The following FRMD8 variants were observed in gnomAD, a reference collection of about 807,000 sequenced individuals.
The protein encoded by FRMD8 is FERM domain-containing protein 8.
In FRMD8, 37 loss-of-function variants were observed where a neutral mutation model predicts 54.2. That is an observed-to-expected ratio of 0.68 (90% CI 0.53 to 0.90). The LOEUF (loss-of-function observed/expected upper bound fraction) is 0.90, where lower values mean the gene tolerates loss of function less well. FRMD8 is among the 40% of genes least tolerant of loss of function. FRMD8 has a pLI of 0.00. For synonymous variants in FRMD8, 246 were observed against 286.9 expected, an observed-to-expected ratio of 0.86 and a Z score of 1.44; for missense variants, 585 against 653.7, an observed-to-expected ratio of 0.89 and a Z score of 1.15.
At chr11:65,376,530 G>C in the FRMD8 span, 1 of 1,614,058 alleles carries the variant, frequency 6.2e-7, no homozygotes, top group Non-Finnish European at 8.5e-7. Flanking sequence ...GCCGGATGCT[G>C]CTCACCATGC....
rs1463302633 is a variant in FRMD8, at chr11:65,412,016, C to G, written c.*656C>G. 1 of 152,222 alleles carries G rather than the reference C, an allele frequency of 6.6e-6. No homozygotes were observed. The highest frequency in any genetic ancestry group is 1.5e-5 in the Non-Finnish European group (1 of 68,048). 9.4% of individuals were successfully genotyped at this position (152,222 alleles called of 1,614,324 possible). ...TGGTTGAATCAGGAATGGAGGGAGC[C>G]AGGCAGGGCCCTACCTGGGGTCCTG... On this transcript the variant is annotated 3_prime_UTR_variant, in exon 11 of 11. Transcript: ENST00000317568.
At chr11:65,395,118 A>T (rs1855925307) in intron 6 of FRMD8, among the ~76,000 whole-genome samples, 1 of 152,106 alleles carries the variant, frequency 6.6e-6, no homozygotes. Context: ...GTGGTGGCAC[A>T]CACCTGTAAT....
At chr11:65,398,044 T>G (rs1855994742) in intron 7 of FRMD8, among the ~76,000 whole-genome samples, 1 of 151,968 alleles carries the variant, frequency 6.6e-6, no homozygotes, top group Non-Finnish European at 1.5e-5. Context: ...CACGGCTAAT[T>G]TTTGTATTTT....
chr11:65,393,843 T>A, intron 4 of FRMD8, 169 bp downstream of exon 4: 1 of 786,392 alleles, frequency 1.3e-6, no homozygotes, highest in Non-Finnish European at 2.1e-6. Flanking sequence ...AAGGGGTCCC[T>A]GAGTGAAGCC....
At chr11:65,396,705 C>T (rs1187457748) in intron 6 of FRMD8, 94 bp from the exon 7 acceptor site, 4 of 757,242 alleles carry the variant, frequency 5.3e-6, no homozygotes, top group Non-Finnish European at 7.9e-6. Context: ...AGATGTGTGT[C>T]TGCTTCCTCC....
intron 6 of FRMD8, among the ~76,000 whole-genome samples, 198 bp downstream of exon 6, chr11:65,394,623 A>T (rs1855911862): frequency 6.6e-6 from 1 of 152,072 alleles, no homozygotes; most frequent in Non-Finnish European, 1.5e-5. Flanking sequence ...CCTGGGCTGG[A>T]GCCTCAGGTG....
chr11:65,380,134 T>C, the FRMD8 span: 1 of 1,614,042 alleles, frequency 6.2e-7, no homozygotes, highest in Non-Finnish European at 8.5e-7. Context: ...AAACTCACCT[T>C]TACAGTGTCA....
the FRMD8 span, chr11:65,379,872 C>G: frequency 2.5e-6 from 4 of 1,614,216 alleles, no homozygotes; most frequent in Non-Finnish European, 3.4e-6. Context: ...CTCACGGACT[C>G]ATGGCGGTAA....
At chr11:65,401,524 G>T (rs898895308) in intron 9 of FRMD8, among the ~76,000 whole-genome samples, 2 of 148,986 alleles carry the variant, frequency 1.3e-5, no homozygotes, top group Non-Finnish European at 3.0e-5. Context: ...ACACCTCTCC[G>T]GCTTCCTTTT....
At chr11:65,381,560 CTTTTTTTT>C in the FRMD8 span, 18 of 84,690 alleles carry the variant, frequency 2.1e-4, no homozygotes, top group African/African-American at 4.0e-4. Flanking sequence ...TGCCCTGATT[CTTTTTTTT>C]TTTTTTTTTT....
chr11:65,370,868 C>A, the FRMD8 span, among the ~76,000 whole-genome samples: 1 of 152,126 alleles, frequency 6.6e-6, no homozygotes, highest in African/African-American at 2.4e-5. Flanking sequence ...AATTCGAGAC[C>A]AGCCTGGGCA....
At chr11:65,390,681 C>CGAG (rs1164929002) in intron 3 of FRMD8, among the ~76,000 whole-genome samples, 1 of 152,210 alleles carries the variant, frequency 6.6e-6, no homozygotes, top group Non-Finnish European at 1.5e-5. Flanking sequence ...TCTCTTTCAC[C>CGAG]TCCGGGCCTC....
At chr11:65,370,104 C>A in the FRMD8 span, among the ~76,000 whole-genome samples, 1 of 151,402 alleles carries the variant, frequency 6.6e-6, no homozygotes, top group Admixed American at 6.6e-5. Context: ...CACTTGTAAT[C>A]CCAGCTACTT....
intron 7 of FRMD8, 21 bp from the exon 8 acceptor site, chr11:65,399,715 T>C (rs1282099160): frequency 6.2e-7 from 1 of 1,612,558 alleles, no homozygotes; most frequent in Non-Finnish European, 8.5e-7. Context: ...GGCCGGAGGC[T>C]GACCCCAGTC....
intron 6 of FRMD8, among the ~76,000 whole-genome samples, chr11:65,396,337 G>A (rs895130028): frequency 7.9e-5 from 12 of 152,196 alleles, no homozygotes; most frequent in South Asian, 2.1e-4. Context: ...ATCTGGAGCC[G>A]CAGGATGAGC....
At chr11:65,377,033 T>C in the FRMD8 span, 1 of 1,614,036 alleles carries the variant, frequency 6.2e-7, no homozygotes, top group Non-Finnish European at 8.5e-7. Flanking sequence ...TGTCTGGTTT[T>C]GTAGCCGGAC....
chr11:65,409,016 C>G (rs1328916332), intron 10 of FRMD8, among the ~76,000 whole-genome samples: 1 of 152,156 alleles, frequency 6.6e-6, no homozygotes, highest in Non-Finnish European at 1.5e-5. Context: ...CCCATGCCCT[C>G]ACCCACAATG....
At position 65,400,081 on chromosome 11, in the gene FRMD8, C is replaced by G. The variant is rs536995234; in HGVS notation, c.927+222C>G. ...GTGGCCGGGGCAGGGGAGGCCGCAG[C>G]TGGGACTTCACTGCTGAGTGGAGGG... On this transcript the variant is annotated intron_variant, in intron 8 of 10. Transcript: ENST00000317568. This position sits in a 1 kb window ranked among gnomAD's most constrained non-coding sequence, Gnocchi z 4.3. Among the ~76,000 whole-genome samples the G allele has an allele frequency of 4.6e-5, 7 of 152,308 alleles. No individual in the cohort carries two copies. The South Asian group carries it at 1.2e-3, about 27-fold the overall frequency.
At chr11:65,407,816 G>T (rs566162295) in intron 10 of FRMD8, among the ~76,000 whole-genome samples, 1 of 151,388 alleles carries the variant, frequency 6.6e-6, no homozygotes, top group African/African-American at 2.4e-5. Context: ...CCTGGGAGGC[G>T]GAGCTTGCAG....
Sources: gnomAD v4.1 joint callset for allele counts (sites outside exome capture counted in the v4.1 genomes callset) on GRCh38, gnomAD v4.1.1 for gene constraint, Gnocchi (gnomAD v3.1) non-coding constraint, MANE v1.5 for transcripts, NCBI Gene and HGNC (gene_info 2026-07-23, HGNC 2026-07-21) for gene names.